ZNF875: variants seen among roughly 807,000 people sequenced by gnomAD.
ZNF875 encodes HKR1, GLI-Kruppel zinc finger family member.
Under a neutral mutation model 11.2 loss-of-function variants are expected in ZNF875, and 14 were observed. That is an observed-to-expected ratio of 1.26 (90% CI 0.83 to 1.96). The LOEUF is 1.96. Ranked by LOEUF, ZNF875 falls within the 30% of genes most tolerant of loss-of-function variation. The pLI is 0.00. For missense variants in ZNF875, 752 were observed against 760.4 expected (o/e 0.99, Z 0.13); for synonymous variants, 301 against 281.1 (o/e 1.07, Z -0.71).
At chr19:37,351,724 A>C (rs530094044) in intron 4 of ZNF875, among the ~76,000 whole-genome samples, 1 of 152,164 alleles carries the variant, frequency 6.6e-6, no homozygotes, top group East Asian at 1.9e-4. Context: ...GTATTTTCTA[A>C]ATGTTTTATT....
At chr19:37,313,987 C>T (rs565344501), upstream of ZNF875, among the ~76,000 whole-genome samples, 4 of 152,080 alleles carry the variant, frequency 2.6e-5, no homozygotes, top group East Asian at 3.9e-4. Flanking sequence ...ACCAAAGACT[C>T]GCATAAAAAG....
intron 4 of ZNF875, among the ~76,000 whole-genome samples, chr19:37,352,209 A>T (rs757170003): frequency 6.7e-6 from 1 of 149,210 alleles, no homozygotes; most frequent in Non-Finnish European, 1.5e-5. Context: ...ATATTAATAT[A>T]GCTACTCCAG....
intron 2 of ZNF875, among the ~76,000 whole-genome samples, chr19:37,336,970 C>A (rs1383870241): frequency 6.6e-6 from 1 of 152,044 alleles, no homozygotes; most frequent in Non-Finnish European, 1.5e-5. Context: ...ACACATAGAA[C>A]AAGGAGAATT....
intron 4 of ZNF875, among the ~76,000 whole-genome samples, chr19:37,328,289 AGG>A (rs2032844826): frequency 6.6e-6 from 1 of 152,190 alleles, no homozygotes; most frequent in African/African-American, 2.4e-5. Context: ...CCAGAGTGCC[AGG>A]CACACAGATT....
intron 2 of ZNF875, among the ~76,000 whole-genome samples, chr19:37,336,822 C>T (rs928647787): frequency 2.0e-5 from 3 of 151,812 alleles, no homozygotes; most frequent in Admixed American, 1.3e-4. Flanking sequence ...GCAGGAGAAT[C>T]GCTTGAACCT....
At chr19:37,322,867 TTG>T (rs2031744417) in intron 2 of ZNF875, among the ~76,000 whole-genome samples, 1 of 152,164 alleles carries the variant, frequency 6.6e-6, no homozygotes, top group Non-Finnish European at 1.5e-5. Context: ...GTAATCTTCA[TTG>T]TGTGTGAGTT....
chr19:37,335,877 A>C (rs1215568357), intron 2 of ZNF875, among the ~76,000 whole-genome samples: 3 of 152,162 alleles, frequency 2.0e-5, no homozygotes, highest in Non-Finnish European at 4.4e-5. Flanking sequence ...TTCGGCTCCA[A>C]ACATAGTCTG....
rs180721724 is a variant in ZNF875 at position 37,358,349 on chromosome 19, G to A, written c.257-3760G>A. Among the ~76,000 whole-genome samples the A allele has an allele frequency of 1.7e-3, 256 of 150,994 alleles. 5 individuals carry two copies. Among genetic ancestry groups the A allele is most frequent in the Admixed American group, 9.0e-3 (136 of 15,120 alleles). The stretch of plus-strand genomic sequence containing the variant: ...TTTTTAGTAGAGATGGGGTTTCACC[G>A]TGGTCTCAATCTCCTGACCTCGTGA... On this transcript the variant is annotated intron_variant, in intron 4 of 4. Coordinates refer to ENST00000392153, the MANE Select transcript of ZNF875 (RefSeq NM_001353803.2).
At chr19:37,316,257 C>T (rs930507491), upstream of ZNF875, among the ~76,000 whole-genome samples, 3 of 152,244 alleles carry the variant, frequency 2.0e-5, no homozygotes, top group African/African-American at 7.2e-5. Flanking sequence ...TAGGTAGAAA[C>T]GTGCACATTG....
upstream of ZNF875, among the ~76,000 whole-genome samples, chr19:37,330,728 AT>A (rs2033237271): frequency 2.0e-5 from 3 of 152,182 alleles, no homozygotes; most frequent in African/African-American, 7.2e-5. Flanking sequence ...TTCATTTAAA[AT>A]TAATCTTTAA....
intron 4 of ZNF875, among the ~76,000 whole-genome samples, chr19:37,356,632 A>C (rs1377377082): frequency 6.6e-6 from 1 of 151,966 alleles, no homozygotes; most frequent in African/African-American, 2.4e-5. Context: ...TTCTTTTGAG[A>C]AGTATCTGTT....
intron 2 of ZNF875, among the ~76,000 whole-genome samples, chr19:37,345,848 C>T (rs1471396755): frequency 2.0e-5 from 3 of 152,140 alleles, no homozygotes; most frequent in Non-Finnish European, 4.4e-5. Flanking sequence ...GATTTCCAGA[C>T]TCATTTGGAA....
intron 2 of ZNF875, among the ~76,000 whole-genome samples, chr19:37,336,918 A>G (rs1286289600): frequency 6.6e-6 from 1 of 152,086 alleles, no homozygotes; most frequent in Non-Finnish European, 1.5e-5. Context: ...AAAATAAATA[A>G]ATAAATAAAT....
intron 4 of ZNF875, among the ~76,000 whole-genome samples, chr19:37,327,143 C>T (rs911648487): frequency 6.6e-6 from 1 of 151,952 alleles, no homozygotes; most frequent in African/African-American, 2.4e-5. Context: ...CAGGTGCCCA[C>T]CACCATGCCC....
intron 4 of ZNF875, among the ~76,000 whole-genome samples, chr19:37,351,912 A>C (rs1396321730): frequency 6.6e-6 from 1 of 152,200 alleles, no homozygotes; most frequent in Non-Finnish European, 1.5e-5. Context: ...CTATCCTATA[A>C]ATGTCAGATA....
chr19:37,335,254 A>G lies in ZNF875; in HGVS notation c.30A>G (p.Lys10=), dbSNP rs537699591. 25 of 701,146 alleles carry G rather than the reference A, an allele frequency of 3.6e-5. No individual in the cohort carries two copies. In the East Asian group the frequency reaches 6.5e-4, roughly 18 times the overall value. 43.4% of individuals were successfully genotyped at this position (701,146 alleles called of 1,614,324 possible). A position where few individuals can be genotyped will look rare whatever the true frequency, so the allele number is the denominator to read the frequency against. Residue 10 remains lysine (K), a synonymous_variant, in exon 2 of 5, where the codon AAA becomes AAG. Coordinates refer to ENST00000392153, the MANE Select transcript of ZNF875 (RefSeq NM_001353803.2). MATGLLRAK[K]EAFVAFRDVA... is the part of the protein sequence containing the mutation. Reference sequence around the variant, plus strand: ...CCACAGGGCTCCTGAGAGCCAAAAAAGAGGTGAGAATTAACTGTAATTCTA... The same window carrying G: ...CCACAGGGCTCCTGAGAGCCAAAAAGGAGGTGAGAATTAACTGTAATTCTA...
At chr19:37,358,348 C>T (rs1476287215) in intron 4 of ZNF875, among the ~76,000 whole-genome samples, 1 of 151,140 alleles carries the variant, frequency 6.6e-6, no homozygotes, top group African/African-American at 2.4e-5. Context: ...GGGGTTTCAC[C>T]GTGGTCTCAA....
intron 4 of ZNF875, among the ~76,000 whole-genome samples, chr19:37,350,319 C>G (rs1349722048): frequency 6.6e-6 from 1 of 151,620 alleles, no homozygotes; most frequent in African/African-American, 2.4e-5. Flanking sequence ...TCTCCATCTC[C>G]TGACCTCATG....
chr19:37,329,744 C>T (rs1254132943), upstream of ZNF875, among the ~76,000 whole-genome samples: 6 of 152,148 alleles, frequency 3.9e-5, no homozygotes, highest in African/African-American at 1.2e-4. Context: ...TTTTCCCCCT[C>T]ACATTGGGCC....
Sources: gnomAD v4.1 joint callset for allele counts (sites outside exome capture counted in the v4.1 genomes callset) on GRCh38, gnomAD v4.1.1 for gene constraint, MANE v1.5 for transcripts, NCBI Gene and HGNC (gene_info 2026-07-23, HGNC 2026-07-21) for gene names.